TLN2: variants seen among roughly 807,000 people sequenced by gnomAD.
The protein encoded by TLN2 is talin-2.
TLN2 carries 118 observed loss-of-function variants against 294.7 expected under a neutral mutation model. That is an observed-to-expected ratio of 0.40 (90% CI 0.34 to 0.47). The LOEUF (loss-of-function observed/expected upper bound fraction) is 0.47. Among genes scored for constraint, TLN2 ranks in the 20% least tolerant of loss-of-function variants. TLN2 has a pLI of 0.84. For missense variants in TLN2, 3,083 were observed against 3,282.2 expected (o/e 0.94, Z 1.48); for synonymous variants, 1,431 against 1,304.5 (o/e 1.10, Z -2.09).
chr15:62,684,058 T>C (rs190424555), intron 11 of TLN2: 71 of 152,488 alleles, frequency 4.7e-4, no homozygotes, highest in African/African-American at 1.6e-3. Context: ...CTGTTGCCAG[T>C]TGCAGTATTT....
chr15:62,646,752 G>A (rs185937549), intron 3 of TLN2, among the ~76,000 whole-genome samples: 1 of 152,330 alleles, frequency 6.6e-6, no homozygotes, highest in African/African-American at 2.4e-5. Flanking sequence ...CAGGCTCTTA[G>A]TGATGGAGCT....
At chr15:62,755,450 C>G in intron 36 of TLN2, 82 bp from the exon 37 acceptor site, 1 of 1,490,644 alleles carries the variant, frequency 6.7e-7, no homozygotes, top group Non-Finnish European at 9.0e-7. Flanking sequence ...GTGAGTTGAA[C>G]AGGAACCCAG....
Position 62,459,375 on chromosome 15 carries a change from A to C in TLN2, c.-238+68690A>C, listed in dbSNP as rs369710016. ...TCTACCTCACAGGGCAGACATGTGA[A>C]TAGGATGACAAAATAAGAATGCACT... On this transcript the variant is annotated intron_variant, in intron 1 of 58. Transcript: ENST00000636159. Among the ~76,000 whole-genome samples, 8 of 151,104 alleles carry C rather than the reference A, an allele frequency of 5.3e-5. No homozygotes were observed. In the East Asian group the frequency reaches 1.4e-3, roughly 26 times the overall value.
chr15:62,527,281 T>C (rs1370022791), intron 1 of TLN2, among the ~76,000 whole-genome samples: 2 of 152,230 alleles, frequency 1.3e-5, no homozygotes, highest in African/African-American at 4.8e-5. Flanking sequence ...ATGAAATATA[T>C]GCTGGGTTCC....
chr15:62,528,329 C>G (rs1166428872), intron 1 of TLN2, among the ~76,000 whole-genome samples: 1 of 152,162 alleles, frequency 6.6e-6, no homozygotes, highest in East Asian at 1.9e-4. Flanking sequence ...GCTTACAGAT[C>G]AGATTAAGGT....
intron 1 of TLN2, among the ~76,000 whole-genome samples, chr15:62,443,784 T>G (rs2035674607): frequency 6.6e-6 from 1 of 152,192 alleles, no homozygotes; most frequent in African/African-American, 2.4e-5. Context: ...AGAGGATTGC[T>G]TGAGCCCATG....
In TLN2 at chr15:62,647,516, C is replaced by T. The variant is rs111713111; in HGVS notation, c.136+70C>T. On this transcript the variant is annotated intron_variant, in intron 4 of 58. Coordinates refer to ENST00000636159, the MANE Select transcript of TLN2 (RefSeq NM_015059.3). Reference sequence around the variant, plus strand: ...GTTTTTCACTTTTTTGCTAAAGAGACAGAGGCTCCAAGTGGTACACAAGCC... The same window carrying T: ...GTTTTTCACTTTTTTGCTAAAGAGATAGAGGCTCCAAGTGGTACACAAGCC... 16 of 1,602,474 alleles carry T rather than the reference C, an allele frequency of 1.0e-5. No homozygotes were observed. The African/African-American group carries it at 1.7e-4, about 17-fold the overall frequency.
chr15:62,667,425 G>C (rs80195890), intron 9 of TLN2, among the ~76,000 whole-genome samples: 4,358 of 152,180 alleles, frequency 0.029, 83 homozygotes, highest in Non-Finnish European at 0.042. Flanking sequence ...AGCATCCTTT[G>C]GGTGATGCTG....
intron 9 of TLN2, among the ~76,000 whole-genome samples, chr15:62,661,326 G>A (rs142512351): frequency 7.6e-4 from 116 of 152,202 alleles, no homozygotes; most frequent in Middle Eastern, 3.4e-3. Context: ...TAAGAAAATT[G>A]TTGGGAAAAA....
intron 1 of TLN2, among the ~76,000 whole-genome samples, chr15:62,576,668 CCG>C (rs2044441566): frequency 6.5e-5 from 8 of 123,264 alleles, no homozygotes; most frequent in East Asian, 2.8e-4. Context: ...ATTCCCCCCC[CCG>C]CCCCCCACAT....
intron 42 of TLN2, among the ~76,000 whole-genome samples, chr15:62,773,293 T>A (rs2063475334): frequency 1.2e-5 from 1 of 83,508 alleles, no homozygotes; most frequent in South Asian, 4.2e-4. Flanking sequence ...GCACACACAG[T>A]CAGCACTGTA....
chr15:62,764,443 A>T (rs1265515348), intron 40 of TLN2, among the ~76,000 whole-genome samples: 1 of 152,136 alleles, frequency 6.6e-6, no homozygotes, highest in African/African-American at 2.4e-5. Context: ...CAGAGTTAGT[A>T]TTGCTCATTT....
intron 11 of TLN2, among the ~76,000 whole-genome samples, chr15:62,686,006 C>G (rs1596713564): frequency 7.2e-6 from 1 of 138,382 alleles, no homozygotes; most frequent in Non-Finnish European, 1.5e-5. Flanking sequence ...ATTAATCTGT[C>G]TCTGTCTTTA....
chr15:62,736,356 G>A (rs1489191387), intron 28 of TLN2, among the ~76,000 whole-genome samples: 1 of 151,544 alleles, frequency 6.6e-6, no homozygotes, highest in Non-Finnish European at 1.5e-5. Flanking sequence ...TAAGGTAATA[G>A]ACGTTAGAAT....
chr15:62,728,769 T>G (rs1312002611), intron 28 of TLN2, among the ~76,000 whole-genome samples: 1 of 152,202 alleles, frequency 6.6e-6, no homozygotes, highest in African/African-American at 2.4e-5. Context: ...TAGGAGTTCT[T>G]TGTTACTTAC....
chr15:62,737,029 G>A lies in TLN2; in HGVS notation c.3510G>A (p.Glu1170=). 4 of 1,614,200 alleles carry A rather than the reference G, an allele frequency of 2.5e-6. No individual in the cohort carries two copies. Among genetic ancestry groups the A allele is most frequent in the Non-Finnish European group, 3.4e-6 (4 of 1,180,044 alleles). ...VMEGSAMLIQ[E]AKQALIAPGD... The stretch of plus-strand genomic sequence containing the variant: ...AGGGCTCCGCCATGCTCATTCAAGA[G>A]GCCAAGCAGGCCCTGATTGCACCTG... Residue 1170 remains glutamate (E), a synonymous_variant, in exon 29 of 59, where the codon GAG becomes GAA. Coordinates refer to ENST00000636159, the MANE Select transcript of TLN2 (RefSeq NM_015059.3).
chr15:62,561,926 C>G (rs971497070), intron 1 of TLN2, among the ~76,000 whole-genome samples: 4 of 152,122 alleles, frequency 2.6e-5, no homozygotes, highest in African/African-American at 2.4e-5. Context: ...CCTTCCTGGA[C>G]TGTCCCTGAG....
At chr15:62,433,577 C>T (rs2035131546) in intron 1 of TLN2, among the ~76,000 whole-genome samples, 1 of 152,144 alleles carries the variant, frequency 6.6e-6, no homozygotes, top group African/African-American at 2.4e-5. Context: ...CGGGTCTGCT[C>T]ACAGACTGAG....
intron 1 of TLN2, among the ~76,000 whole-genome samples, chr15:62,477,008 T>G (rs2037817973): frequency 6.6e-6 from 1 of 152,248 alleles, no homozygotes; most frequent in Admixed American, 6.5e-5. Flanking sequence ...GTTAGTAGAC[T>G]GCCTATTCAT....
Sources: allele counts gnomAD v4.1 joint callset (sites outside exome capture counted in the v4.1 genomes callset), GRCh38; gene constraint gnomAD v4.1.1; transcripts MANE v1.5; gene names NCBI Gene and HGNC (gene_info 2026-07-23, HGNC 2026-07-21).